NCAM1: variants seen among roughly 807,000 people sequenced by gnomAD.
NCAM1 encodes antigen recognized by monoclonal antibody 5.1H11.
In NCAM1, 14 loss-of-function variants were observed where a neutral mutation model predicts 109.8. The ratio of observed to expected loss-of-function variants is 0.13; its 90% CI spans 0.08 to 0.20. The LOEUF is 0.20. NCAM1 is among the 10% of genes least tolerant of loss of function. NCAM1 has a pLI of 1.00. For missense variants in NCAM1, 774 were observed against 1,109.9 expected (o/e 0.70, Z 4.30); for synonymous variants, 418 against 442.9 (o/e 0.94, Z 0.70).
intron 11 of NCAM1, 71 bp downstream of exon 11, chr11:113,232,425 C>A: frequency 1.4e-6 from 2 of 1,413,526 alleles, no homozygotes; most frequent in Non-Finnish European, 1.9e-6. Context: ...CAAAATGCAG[C>A]TCAAGTCCTC....
At chr11:113,213,991 A>C (rs906749712) in intron 7 of NCAM1, among the ~76,000 whole-genome samples, 7 of 152,116 alleles carry the variant, frequency 4.6e-5, no homozygotes, top group Non-Finnish European at 8.8e-5. Context: ...GCTTTTATTC[A>C]GTCAGTTTCC....
At chr11:113,020,506 A>G (rs1163687743) in intron 1 of NCAM1, among the ~76,000 whole-genome samples, 6 of 152,110 alleles carry the variant, frequency 3.9e-5, no homozygotes, top group South Asian at 4.1e-4. Context: ...TGTCCCTTAT[A>G]TATTTTGTTA....
intron 1 of NCAM1, among the ~76,000 whole-genome samples, chr11:113,106,785 G>A (rs1940192172): frequency 6.6e-6 from 1 of 152,182 alleles, no homozygotes; most frequent in South Asian, 2.1e-4. Flanking sequence ...ATTCTGGGAT[G>A]CTCCAGCTGC....
chr11:113,231,557 G>A, intron 9 of NCAM1, 88 bp from the exon 10 acceptor site: 1 of 1,340,370 alleles, frequency 7.5e-7, no homozygotes, highest in Non-Finnish European at 1.0e-6. Flanking sequence ...TGATGGCCTA[G>A]TCTCCCAGCC....
intron 1 of NCAM1, among the ~76,000 whole-genome samples, chr11:113,068,750 C>T (rs1249272228): frequency 6.6e-6 from 1 of 152,128 alleles, no homozygotes; most frequent in East Asian, 1.9e-4. Context: ...AGCAACCTTA[C>T]CACTGGAATA....
chr11:113,044,879 G>A lies in NCAM1; in HGVS notation c.52+83215G>A, dbSNP rs184379998. ...CGCCATTCTCCTGCCTCAGCCTCCC[G>A]AGTAGCTGGGACTACAGGCACCCGC... is the stretch of plus-strand genomic sequence containing the variant. On this transcript the variant is annotated intron_variant, in intron 1 of 19. Coordinates refer to ENST00000316851, the MANE Select transcript of NCAM1 (RefSeq NM_181351.5). Among the ~76,000 whole-genome samples the A allele has an allele frequency of 1.4e-3, 217 of 151,828 alleles. 2 individuals are homozygous for A. Among genetic ancestry groups the A allele is most frequent in the African/African-American group, 4.8e-3 (197 of 41,458 alleles).
At chr11:113,050,623 G>GA (rs1158994797) in intron 1 of NCAM1, among the ~76,000 whole-genome samples, 35 of 148,116 alleles carry the variant, frequency 2.4e-4, no homozygotes, top group Admixed American at 4.7e-4. Context: ...GATGCCTACA[G>GA]AAAAAAAAAT....
intron 1 of NCAM1, among the ~76,000 whole-genome samples, chr11:113,182,305 C>A (rs1160332687): frequency 2.0e-5 from 3 of 152,116 alleles, no homozygotes; most frequent in African/African-American, 7.2e-5. Context: ...AAAAGCACAC[C>A]AGGGCCAGCT....
intron 14 of NCAM1, among the ~76,000 whole-genome samples, chr11:113,237,589 G>A (rs11214549): frequency 0.022 from 3,313 of 152,284 alleles, 67 homozygotes; most frequent in South Asian, 0.05. Context: ...GCCACTCTGG[G>A]CATGAGGGAA....
In NCAM1 at chr11:113,235,171, A is replaced by G; in HGVS notation, c.1825+7A>G. The G allele has an allele frequency of 6.2e-7, 1 of 1,613,942 alleles. No individual in the cohort carries two copies. The highest frequency in any genetic ancestry group is 8.5e-7 in the Non-Finnish European group (1 of 1,179,856). Reference sequence around the variant, plus strand: ...TTCAAGACGCAGCCAGTCCGTAAGTAAAGCCAGCTGCCCCCCTTTTCCCAG... The same window carrying G: ...TTCAAGACGCAGCCAGTCCGTAAGTGAAGCCAGCTGCCCCCCTTTTCCCAG... On this transcript the variant is annotated splice_region_variant and intron_variant, in intron 14 of 19. Transcript: ENST00000316851.
intron 1 of NCAM1, among the ~76,000 whole-genome samples, chr11:112,968,417 T>C (rs1950783491): frequency 1.3e-5 from 2 of 152,204 alleles, no homozygotes; most frequent in Admixed American, 1.3e-4. Context: ...ACTGAAGATT[T>C]TGTTTTAGCT....
At chr11:113,058,075 G>A (rs1443471212) in intron 1 of NCAM1, among the ~76,000 whole-genome samples, 1 of 152,110 alleles carries the variant, frequency 6.6e-6, no homozygotes, top group South Asian at 2.1e-4. Context: ...ATGAGGCCAC[G>A]AGTTCGAGAC....
In NCAM1 at chr11:113,120,091, G is replaced by A. The variant is rs151276081; in HGVS notation, c.53-82288G>A. Reference sequence around the variant, plus strand: ...ATAGAGTGTTCTCTCAGTTGTCTAAGAAGAATTAGCCAGCCTTGACTGTGC... The same window carrying A: ...ATAGAGTGTTCTCTCAGTTGTCTAAAAAGAATTAGCCAGCCTTGACTGTGC... On this transcript the variant is annotated intron_variant, in intron 1 of 19. Coordinates refer to ENST00000316851, the MANE Select transcript of NCAM1 (RefSeq NM_181351.5). Among the ~76,000 whole-genome samples, 110 of 152,300 alleles carry A rather than the reference G, an allele frequency of 7.2e-4. 2 individuals carry two copies. Among genetic ancestry groups the A allele is most frequent in the African/African-American group, 2.5e-3 (105 of 41,564 alleles).
chr11:113,128,918 T>G (rs868974021), intron 1 of NCAM1, among the ~76,000 whole-genome samples: 1 of 134,360 alleles, frequency 7.4e-6, no homozygotes, highest in Non-Finnish European at 1.7e-5. Flanking sequence ...TGTGTGTGTG[T>G]GTGTGTGTGT....
In NCAM1 at chr11:113,171,152, G is replaced by A. The variant is rs566658832; in HGVS notation, c.53-31227G>A. Among the ~76,000 whole-genome samples the A allele has an allele frequency of 2.6e-5, 4 of 152,288 alleles. No homozygotes were observed. The South Asian group carries it at 8.3e-4, about 32-fold the overall frequency. ...GCCACTACAAAACTCTCAGGTGGAT[G>A]TTATTATCTTCATTTTGCAAAGATG... On this transcript the variant is annotated intron_variant, in intron 1 of 19. Coordinates refer to ENST00000316851, the MANE Select transcript of NCAM1 (RefSeq NM_181351.5).
At chr11:113,209,200 T>C (rs193135998) in intron 7 of NCAM1, among the ~76,000 whole-genome samples, 2 of 152,194 alleles carry the variant, frequency 1.3e-5, no homozygotes, top group Non-Finnish European at 2.9e-5. Context: ...CATTAAAATG[T>C]GCACCTGGGA....
At position 113,237,480 on chromosome 11, in the gene NCAM1, G is replaced by A. The variant is rs565921608; in HGVS notation, c.1825+2316G>A. Reference sequence around the variant, plus strand: ...GCAGAGTTGGTGCCGGGATGAACCAGCTCTCGAAGGCATCAGAGTTGGGGG... The same window carrying A: ...GCAGAGTTGGTGCCGGGATGAACCAACTCTCGAAGGCATCAGAGTTGGGGG... On this transcript the variant is annotated intron_variant, in intron 14 of 19. Transcript: ENST00000316851. Among the ~76,000 whole-genome samples, 42 of 152,354 alleles carry A rather than the reference G, an allele frequency of 2.8e-4. No individual in the cohort carries two copies. In the South Asian group the frequency reaches 3.1e-3, roughly 11 times the overall value.
At chr11:113,085,996 C>T (rs782198469) in intron 1 of NCAM1, among the ~76,000 whole-genome samples, 8 of 152,146 alleles carry the variant, frequency 5.3e-5, no homozygotes, top group Non-Finnish European at 2.9e-5. Context: ...TTCCATAAGC[C>T]GCATTACACA....
intron 1 of NCAM1, among the ~76,000 whole-genome samples, chr11:113,082,164 G>T (rs184646366): frequency 1.9e-3 from 293 of 152,254 alleles, no homozygotes; most frequent in South Asian, 9.3e-3. Flanking sequence ...TGTAAGACCA[G>T]TTGGTACTTC....
Sources: gnomAD v4.1 joint callset for allele counts (sites outside exome capture counted in the v4.1 genomes callset) on GRCh38, gnomAD v4.1.1 for gene constraint, MANE v1.5 for transcripts, NCBI Gene and HGNC (gene_info 2026-07-23, HGNC 2026-07-21) for gene names.